Variants in URB1 observed in about 807,000 individuals in gnomAD.
URB1 encodes URB1 ribosome biogenesis factor.
A neutral mutation model predicts 242.3 loss-of-function variants in URB1; 197 were observed. That is an observed-to-expected ratio of 0.81 (90% CI 0.72 to 0.91). The LOEUF is 0.91. URB1 is among the 40% of genes least tolerant of loss of function. The probability of loss-of-function intolerance (pLI) is 0.00; values close to 1 mark genes in which losing one functional copy is unlikely to be tolerated. For missense variants in URB1, 2,721 were observed against 2,860.5 expected, an observed-to-expected ratio of 0.95 and a Z score of 1.11; for synonymous variants, 1,153 against 1,201.8, an observed-to-expected ratio of 0.96 and a Z score of 0.84.
Position 32,321,813 on chromosome 21 carries a change from G to A in URB1, c.5472C>T (p.Asp1824=), listed in dbSNP as rs1336424961. The A allele has an allele frequency of 5.2e-6, 8 of 1,551,520 alleles. No individual in the cohort carries two copies. The highest frequency in any genetic ancestry group is 4.8e-5 in the South Asian group (4 of 84,058). The stretch of plus-strand genomic sequence containing the variant: ...GGAACCCATGTACCTGTGCTGCCTC[G>A]TCACACAGCGGGCTGTGGAAGAAGG... ...ILSFFHSPLC[D]EAAQNWILEI... Residue 1824 remains aspartate (D), a synonymous_variant, in exon 34 of 39, where the codon GAC becomes GAT. Transcript: ENST00000382751.
rs1350171930 is a variant in URB1, at chr21:32,314,568, C to A, written c.*350G>T. 2 of 1,614,002 alleles carry A rather than the reference C, an allele frequency of 1.2e-6. No homozygotes were observed. Among genetic ancestry groups the A allele is most frequent in the Non-Finnish European group, 1.7e-6 (2 of 1,179,948 alleles). On this transcript the variant is annotated 3_prime_UTR_variant, in exon 39 of 39. Coordinates refer to ENST00000382751, the MANE Select transcript of URB1 (RefSeq NM_014825.3). ...CATTTCAGCTTTAACACAGATGAAT[C>A]TCTTCTGCATTCAGAAGTGCTGCCT...
rs867660725 is a variant in URB1, at chr21:32,368,477, A to G, written c.1123T>C (p.Phe375Leu). ...ATAAAGGAAAACGTTACTTCCTTGA[A>G]GTATTTGTTCAGTAAGTCCGGGCAC... ...KVCPDLLNKY[F>L]KEVTFSFIPR... Residue 375 changes from phenylalanine (F) to leucine (L), a missense_variant, in exon 9 of 39, where the codon TTC becomes CTC. Physicochemically the swap from Phe to Leu is conservative, Grantham distance 22. Transcript: ENST00000382751. 1 of 1,551,906 alleles carries G rather than the reference A, an allele frequency of 6.4e-7. No homozygotes were observed. Among genetic ancestry groups the G allele is most frequent in the Non-Finnish European group, 8.7e-7 (1 of 1,147,050 alleles).
chr21:32,386,532 T>C (rs1359658337), intron 1 of URB1, among the ~76,000 whole-genome samples: 1 of 152,134 alleles, frequency 6.6e-6, no homozygotes, highest in Non-Finnish European at 1.5e-5. Context: ...ACAAGGACAT[T>C]ATGAACACAC....
chr21:32,349,169 T>C, intron 21 of URB1, 135 bp downstream of exon 21: 1 of 1,250,222 alleles, frequency 8.0e-7, no homozygotes, highest in African/African-American at 1.5e-5. Context: ...CCAGGAAGTT[T>C]TTATGATCTC....
chr21:32,357,869 A>G (rs1427412046), intron 14 of URB1, among the ~76,000 whole-genome samples: 1 of 152,152 alleles, frequency 6.6e-6, no homozygotes, highest in African/African-American at 2.4e-5. Flanking sequence ...CTCTACTAAA[A>G]AATACAAAAA....
rs148715097 is a variant in URB1 at position 32,374,660 on chromosome 21, A to G, written c.750+738T>C. On this transcript the variant is annotated intron_variant, in intron 6 of 38. Coordinates refer to ENST00000382751, the MANE Select transcript of URB1 (RefSeq NM_014825.3). ...ATTAGGGTTTCTCAACCTCAGCTCT[A>G]CTGACACTTGGGGCCAGGTAATTGT... Among the ~76,000 whole-genome samples, 550 of 152,298 alleles carry G rather than the reference A, an allele frequency of 3.6e-3. 5 individuals are homozygous for G. The highest frequency in any genetic ancestry group is 0.011 in the African/African-American group (471 of 41,566).
rs757913449 is a variant in URB1, at chr21:32,349,448, G to A, written c.2868C>T (p.Leu956=). 1.3e-6 allele frequency: 2 copies of A among 1,550,880 alleles called. No individual in the cohort carries two copies. The highest frequency in any genetic ancestry group is 2.4e-5 in the East Asian group (1 of 40,878). ...GRSVGPPLLQ[L]FLDLLRRLVV... The stretch of plus-strand genomic sequence containing the variant: ...CCAGGCGCCTGAGGAGATCCAGGAA[G>A]AGCTGCAGGAGGGGCGGGCCCACAC... Residue 956 remains leucine (L), a synonymous_variant, in exon 21 of 39, where the codon CTC becomes CTT. Coordinates refer to ENST00000382751, the MANE Select transcript of URB1 (RefSeq NM_014825.3).
Position 32,325,310 on chromosome 21 carries a change from G to C in URB1, c.5040C>G (p.Pro1680=). 2 of 1,551,726 alleles carry C rather than the reference G, an allele frequency of 1.3e-6. No homozygotes were observed. The highest frequency in any genetic ancestry group is 1.7e-6 in the Non-Finnish European group (2 of 1,146,998). Residue 1680 remains proline (P), a synonymous_variant, in exon 31 of 39, where the codon CCC becomes CCG. Coordinates refer to ENST00000382751, the MANE Select transcript of URB1 (RefSeq NM_014825.3). The stretch of plus-strand genomic sequence containing the variant: ...CATGGTAGGCTATGGCTCGCATCTG[G>C]GGGTCATAGCTGCTGAGGGCTGTGA... ...LTVTALSSYD[P]QMRAIAYHVL... is the part of the protein sequence containing the mutation.
At chr21:32,343,293 AGAG>A (rs1391098861) in intron 24 of URB1, among the ~76,000 whole-genome samples, 1 of 152,156 alleles carries the variant, frequency 6.6e-6, no homozygotes, top group Non-Finnish European at 1.5e-5. Flanking sequence ...TATGAGTGGT[AGAG>A]GAGAGTGGAC....
chr21:32,314,457 T>C lies in URB1; in HGVS notation c.*461A>G. 1 of 1,170,624 alleles carries C rather than the reference T, an allele frequency of 8.5e-7. No homozygotes were observed. Among genetic ancestry groups the C allele is most frequent in the South Asian group, 1.2e-5 (1 of 80,040 alleles). 72.5% of individuals were successfully genotyped at this position (1,170,624 alleles called of 1,614,324 possible). A position where few individuals can be genotyped will look rare whatever the true frequency, so the allele number is the denominator to read the frequency against. ...GCCTTGGCCTCCCAAAGTGCTGGGA[T>C]TATAGGCGTGAGCCACCTCACCTGC... On this transcript the variant is annotated 3_prime_UTR_variant, in exon 39 of 39. Transcript: ENST00000382751.
intron 15 of URB1, among the ~76,000 whole-genome samples, 197 bp downstream of exon 15, chr21:32,357,340 C>T (rs955674660): frequency 1.3e-5 from 2 of 149,740 alleles, no homozygotes; most frequent in East Asian, 2.0e-4. Context: ...AAACATTTTT[C>T]CAATGCACCA....
chr21:32,342,675 A>ATG (rs58176112), intron 24 of URB1, among the ~76,000 whole-genome samples: 147,554 of 147,558 alleles, frequency 1, 73,775 homozygotes, highest in Middle Eastern at 1. Context: ...CTTGTGAACC[A>ATG]GGAAAGCCGG....
chr21:32,326,962 G>C (rs1329416965), intron 30 of URB1, among the ~76,000 whole-genome samples: 2 of 151,954 alleles, frequency 1.3e-5, no homozygotes, highest in Non-Finnish European at 2.9e-5. Context: ...AAAACACAGA[G>C]AGGAAAAATA....
chr21:32,311,861 C>G lies in URB1; in HGVS notation c.*3057G>C, dbSNP rs766760000. On this transcript the variant is annotated 3_prime_UTR_variant, in exon 39 of 39. Coordinates refer to ENST00000382751, the MANE Select transcript of URB1 (RefSeq NM_014825.3). ...ACCAGCCGCTACGACAGGAGAGCTC[C>G]TCCACCTTGCCCCTCGGGGGTTTCC... The G allele has an allele frequency of 6.2e-7, 1 of 1,614,162 alleles. No individual in the cohort carries two copies. Among genetic ancestry groups the G allele is most frequent in the East Asian group, 2.2e-5 (1 of 44,880 alleles).
intron 28 of URB1, among the ~76,000 whole-genome samples, chr21:32,334,783 G>A (rs1344253760): frequency 6.6e-6 from 1 of 152,186 alleles, no homozygotes; most frequent in East Asian, 1.9e-4. Context: ...GTCCATGCTA[G>A]AACATAGCGG....
Position 32,324,569 on chromosome 21 carries a change from T to C in URB1, c.5155A>G (p.Ile1719Val). The C allele has an allele frequency of 6.4e-7, 1 of 1,551,810 alleles. No homozygotes were observed. Among genetic ancestry groups the C allele is most frequent in the Non-Finnish European group, 8.7e-7 (1 of 1,147,014 alleles). ...GTAAGTCTCATGTCCTGAGTTCGAA[T>C]CCCATTCCGGACTACATCCAACAGG... ...LYLLDVVRNG[I>V]RTQDMRLTFT... Residue 1719 changes from isoleucine (I) to valine (V), a missense_variant, in exon 32 of 39, where the codon ATT (isoleucine) becomes GTT (valine). By Grantham distance (29) the Ile-to-Val change is conservative. Coordinates refer to ENST00000382751, the MANE Select transcript of URB1 (RefSeq NM_014825.3).
intron 5 of URB1, among the ~76,000 whole-genome samples, chr21:32,377,816 G>A (rs2033476611): frequency 1.3e-5 from 2 of 152,154 alleles, no homozygotes; most frequent in South Asian, 4.1e-4. Context: ...CAGGACATGG[G>A]ACTGCTCCTC....
At chr21:32,353,682 G>C (rs2033184754) in intron 18 of URB1, among the ~76,000 whole-genome samples, 1 of 152,126 alleles carries the variant, frequency 6.6e-6, no homozygotes, top group Non-Finnish European at 1.5e-5. Context: ...AGGCTGTCTG[G>C]GCAGCCAGGC....
At chr21:32,322,607 A>T (rs2032781152) in intron 32 of URB1, 23 bp from the exon 33 acceptor site, 1 of 1,531,724 alleles carries the variant, frequency 6.5e-7, no homozygotes, top group Non-Finnish European at 8.9e-7. Context: ...GCAGTCAGTC[A>T]GTCATGGCAG....
Sources: gnomAD v4.1 joint callset for allele counts (sites outside exome capture counted in the v4.1 genomes callset) on GRCh38, gnomAD v4.1.1 for gene constraint, MANE v1.5 for transcripts, NCBI Gene and HGNC (gene_info 2026-07-23, HGNC 2026-07-21) for gene names.